Variants in SCFD2 observed in about 807,000 individuals in gnomAD.
SCFD2 encodes sec1 family domain-containing protein 2.
In SCFD2, 54 loss-of-function variants were observed where a neutral mutation model predicts 58.9. The ratio of observed to expected loss-of-function variants is 0.92; its 90% CI spans 0.74 to 1.15. SCFD2 has a LOEUF of 1.15. Ranked by LOEUF, SCFD2 falls within the 50% of genes most tolerant of loss-of-function variation. SCFD2 has a pLI of 0.00. For missense variants in SCFD2, 805 were observed against 836.6 expected, an observed-to-expected ratio of 0.96 and a Z score of 0.47; for synonymous variants, 321 against 335.9, an observed-to-expected ratio of 0.96 and a Z score of 0.49.
At chr4:52,918,094 C>T (rs1446847652) in intron 6 of SCFD2, among the ~76,000 whole-genome samples, 2 of 152,196 alleles carry the variant, frequency 1.3e-5, no homozygotes, top group Non-Finnish European at 1.5e-5. Context: ...GAGCCCAGGA[C>T]ATCTCAATCA....
intron 4 of SCFD2, among the ~76,000 whole-genome samples, chr4:53,267,726 G>A (rs1489190502): frequency 6.6e-6 from 1 of 152,150 alleles, no homozygotes; most frequent in African/African-American, 2.4e-5. Context: ...AACTACAGAT[G>A]TGTATCACCA....
At chr4:52,955,540 G>A (rs1217688162) in intron 5 of SCFD2, among the ~76,000 whole-genome samples, 1 of 152,188 alleles carries the variant, frequency 6.6e-6, no homozygotes, top group Non-Finnish European at 1.5e-5. Flanking sequence ...TGGGAACTGA[G>A]GCACAGAGGG....
chr4:53,101,012 C>A (rs1441905464), intron 5 of SCFD2, among the ~76,000 whole-genome samples: 1 of 152,148 alleles, frequency 6.6e-6, no homozygotes, highest in Non-Finnish European at 1.5e-5. Context: ...TCTGGCACAA[C>A]TTCAAATGCG....
At chr4:53,034,730 AC>A (rs530873310) in intron 5 of SCFD2, among the ~76,000 whole-genome samples, 31 of 152,262 alleles carry the variant, frequency 2.0e-4, no homozygotes, top group African/African-American at 4.8e-4. Context: ...CCCAATTGCT[AC>A]AAAGGGAATA....
intron 2 of SCFD2, among the ~76,000 whole-genome samples, chr4:53,314,388 T>A (rs1193726523): frequency 1.3e-5 from 2 of 152,220 alleles, no homozygotes; most frequent in Admixed American, 6.5e-5. Context: ...CACGAAGCAC[T>A]GCATTATATG....
intron 2 of SCFD2, among the ~76,000 whole-genome samples, chr4:53,346,076 G>GT (rs1467184526): frequency 1.3e-5 from 2 of 151,928 alleles, no homozygotes; most frequent in African/African-American, 4.8e-5. Context: ...TTGTGCACGT[G>GT]TACCCTAGAA....
rs180935015 is a variant in SCFD2 at position 53,110,945 on chromosome 4, C to T, written c.1561+34388G>A. Reference sequence around the variant, plus strand: ...AAGACTTGGAACCAGCCCAAATGCTCATCAATGATAGACTGGATAAAGAAA... The same window carrying T: ...AAGACTTGGAACCAGCCCAAATGCTTATCAATGATAGACTGGATAAAGAAA... On this transcript the variant is annotated intron_variant, in intron 5 of 8. Coordinates refer to ENST00000401642, the MANE Select transcript of SCFD2 (RefSeq NM_152540.4). Among the ~76,000 whole-genome samples the T allele has an allele frequency of 3.8e-3, 578 of 152,310 alleles. 4 individuals are homozygous for T. The highest frequency in any genetic ancestry group is 6.6e-3 in the Non-Finnish European group (446 of 68,032).
chr4:53,245,128 C>CA (rs1487105224), intron 4 of SCFD2, among the ~76,000 whole-genome samples: 2 of 150,982 alleles, frequency 1.3e-5, no homozygotes, highest in East Asian at 1.9e-4. Context: ...GCCTACCAAC[C>CA]AAAAAAAAGC....
At chr4:53,017,630 A>G (rs1471542218) in intron 5 of SCFD2, among the ~76,000 whole-genome samples, 2 of 152,220 alleles carry the variant, frequency 1.3e-5, no homozygotes, top group African/African-American at 2.4e-5. Flanking sequence ...GGGAAAAATA[A>G]TGACCAATTT....
At chr4:53,288,864 T>A (rs1458886975) in intron 3 of SCFD2, among the ~76,000 whole-genome samples, 1 of 152,222 alleles carries the variant, frequency 6.6e-6, no homozygotes, top group South Asian at 2.1e-4. Flanking sequence ...ACCATTACTA[T>A]AATGGTGGTG....
chr4:52,972,045 C>G (rs1257192043), intron 5 of SCFD2, among the ~76,000 whole-genome samples: 1 of 152,154 alleles, frequency 6.6e-6, no homozygotes, highest in Non-Finnish European at 1.5e-5. Flanking sequence ...ATAACTGGTA[C>G]CAGCCACTGC....
At chr4:53,121,337 CCACCAG>C (rs978252922) in intron 5 of SCFD2, among the ~76,000 whole-genome samples, 1 of 152,170 alleles carries the variant, frequency 6.6e-6, no homozygotes, top group Non-Finnish European at 1.5e-5. Flanking sequence ...GATTCAACTC[CCACCAG>C]TTCCTACCAT....
rs192076951 is a variant in SCFD2 at position 53,077,070 on chromosome 4, C to T, written c.1561+68263G>A. On this transcript the variant is annotated intron_variant, in intron 5 of 8. Transcript: ENST00000401642. ...TATTTTCTTCCTATAAGGAAGAACA[C>T]TCCTTGTTCTCTGGAGAAAATCTAG... 3.0e-4 allele frequency among the ~76,000 whole-genome samples: 46 copies of T among 152,264 alleles called. No homozygotes were observed. In the East Asian group the frequency reaches 8.1e-3, roughly 27 times the overall value.
At chr4:52,939,822 T>C in intron 5 of SCFD2, among the ~76,000 whole-genome samples, 1 of 152,234 alleles carries the variant, frequency 6.6e-6, no homozygotes, top group East Asian at 1.9e-4. Flanking sequence ...TCATCATCTC[T>C]TCCTGTCCAG....
chr4:52,982,910 C>T (rs922478553), intron 5 of SCFD2, among the ~76,000 whole-genome samples: 14 of 152,078 alleles, frequency 9.2e-5, no homozygotes, highest in African/African-American at 2.2e-4. Flanking sequence ...TAATAATCCA[C>T]CTGGAGCAGT....
intron 5 of SCFD2, among the ~76,000 whole-genome samples, chr4:53,077,139 C>G (rs1212688598): frequency 1.3e-5 from 2 of 152,082 alleles, no homozygotes; most frequent in African/African-American, 4.8e-5. Flanking sequence ...AGTGTGATCA[C>G]ATTTAATTTT....
intron 5 of SCFD2, among the ~76,000 whole-genome samples, chr4:53,066,713 T>A (rs1230914045): frequency 6.6e-6 from 1 of 152,034 alleles, no homozygotes; most frequent in Non-Finnish European, 1.5e-5. Flanking sequence ...TCACTTTCCC[T>A]GCCTATTTCA....
intron 5 of SCFD2, among the ~76,000 whole-genome samples, chr4:53,078,039 C>T (rs1235074107): frequency 6.6e-6 from 1 of 152,260 alleles, no homozygotes; most frequent in East Asian, 1.9e-4. Flanking sequence ...CATCATAAGA[C>T]TTTGTTGATT....
chr4:53,106,239 G>A (rs888867712), intron 5 of SCFD2, among the ~76,000 whole-genome samples: 1 of 152,150 alleles, frequency 6.6e-6, no homozygotes, highest in Non-Finnish European at 1.5e-5. Flanking sequence ...AAGACCAAAG[G>A]TAGATAAATC....
Sources: allele counts gnomAD v4.1 joint callset (sites outside exome capture counted in the v4.1 genomes callset), GRCh38; gene constraint gnomAD v4.1.1; transcripts MANE v1.5; gene names NCBI Gene and HGNC (gene_info 2026-07-23, HGNC 2026-07-21).